Variants in VTCN1 observed in about 807,000 individuals in gnomAD.
The protein encoded by VTCN1 is V-set domain-containing T-cell activation inhibitor 1.
A neutral mutation model predicts 26.5 loss-of-function variants in VTCN1; 26 were observed. The ratio of observed to expected loss-of-function variants is 0.98; its 90% confidence interval spans 0.72 to 1.36. The LOEUF is 1.36. Among genes scored for constraint, VTCN1 ranks in the 40% most tolerant of loss-of-function variants. VTCN1 has a pLI of 0.00. For synonymous variants in VTCN1, 116 were observed against 130.7 expected, an observed-to-expected ratio of 0.89 and a Z score of 0.77; for missense variants, 298 against 337.7, an observed-to-expected ratio of 0.88 and a Z score of 0.92.
At chr1:117,158,115 T>G (rs1402564037) in intron 2 of VTCN1, among the ~76,000 whole-genome samples, 1 of 152,208 alleles carries the variant, frequency 6.6e-6, no homozygotes, top group African/African-American at 2.4e-5. Context: ...CTGTTGCTTT[T>G]CCAGAAGAAC....
intron 2 of VTCN1, among the ~76,000 whole-genome samples, chr1:117,163,431 T>C (rs1309598331): frequency 6.6e-6 from 1 of 152,204 alleles, no homozygotes; most frequent in Non-Finnish European, 1.5e-5. Context: ...AATTGCCACA[T>C]GCTAAACCTT....
In VTCN1 at chr1:117,167,181, A is replaced by T. The variant is rs1652664706; in HGVS notation, c.97+2926T>A. 6.6e-6 allele frequency among the ~76,000 whole-genome samples: 1 copy of T among 152,172 alleles called. No individual in the cohort carries two copies. The highest frequency in any genetic ancestry group is 2.1e-4 in the South Asian group (1 of 4,828). On this transcript the variant is annotated intron_variant, in intron 2 of 5. Transcript: ENST00000369458. This position sits in a 1 kb window ranked among gnomAD's most constrained non-coding sequence, Gnocchi z 4.1. ...ATGCATTTTATGTTTTTATATATACATTTACAAATGTTTTTGTATGTCTGT... is the reference window on the plus strand; with the variant it reads ...ATGCATTTTATGTTTTTATATATACTTTTACAAATGTTTTTGTATGTCTGT...
chr1:117,171,619 A>C (rs977720960), intron 1 of VTCN1, among the ~76,000 whole-genome samples: 3 of 152,230 alleles, frequency 2.0e-5, no homozygotes, highest in African/African-American at 7.2e-5. Flanking sequence ...ATAAACAAAT[A>C]AGGAAGTATT....
intron 1 of VTCN1, among the ~76,000 whole-genome samples, chr1:117,180,909 T>C (rs1371631353): frequency 1.3e-5 from 2 of 152,224 alleles, no homozygotes; most frequent in Non-Finnish European, 2.9e-5. Flanking sequence ...AAGCTGCTGC[T>C]ATTCCTCCCC....
At chr1:117,204,299 A>G (rs1181875403) in intron 1 of VTCN1, among the ~76,000 whole-genome samples, 3 of 152,172 alleles carry the variant, frequency 2.0e-5, no homozygotes, top group African/African-American at 7.2e-5. Context: ...TACTATTATT[A>G]ATGCCCAATT....
At chr1:117,205,785 G>C (rs1169523499) in intron 1 of VTCN1, among the ~76,000 whole-genome samples, 2 of 152,190 alleles carry the variant, frequency 1.3e-5, no homozygotes, top group Non-Finnish European at 2.9e-5. Flanking sequence ...TATTGAGCAA[G>C]GTAACTTGCC....
chr1:117,152,063 T>G (rs991909738), intron 4 of VTCN1, among the ~76,000 whole-genome samples: 1 of 152,200 alleles, frequency 6.6e-6, no homozygotes, highest in Admixed American at 6.5e-5. Context: ...TTATTTGATT[T>G]TTGTTGTTGT....
At chr1:117,200,315 C>G (rs1203783348) in intron 1 of VTCN1, among the ~76,000 whole-genome samples, 1 of 152,082 alleles carries the variant, frequency 6.6e-6, no homozygotes, top group Non-Finnish European at 1.5e-5. Flanking sequence ...TGGGAGGTTA[C>G]TGGAGCCTGG....
Position 117,210,880 on chromosome 1 carries a change from C to G in VTCN1, c.-25G>C. 6.2e-7 allele frequency: 1 copy of G among 1,614,008 alleles called. No individual in the cohort carries two copies. ...TGGCTGGGGAAGGTTCCCAGCGTAT[C>G]TGGGTACTGGCTGAGTGGAGCTGCC... On this transcript the variant is annotated 5_prime_UTR_variant, in exon 1 of 6. Transcript: ENST00000369458.
chr1:117,158,991 T>A (rs142460228), intron 2 of VTCN1, among the ~76,000 whole-genome samples: 186 of 152,320 alleles, frequency 1.2e-3, no homozygotes, highest in African/African-American at 4.3e-3. Context: ...CTGAGACCAC[T>A]TCAGTCTGGA....
intron 1 of VTCN1, 48 bp from the exon 2 acceptor site, chr1:117,170,219 G>A: frequency 6.4e-7 from 1 of 1,565,370 alleles, no homozygotes. Context: ...CATTCCTCTT[G>A]ATGTGCTGCT....
chr1:117,191,413 G>A (rs1052116150), intron 1 of VTCN1, among the ~76,000 whole-genome samples: 3 of 152,166 alleles, frequency 2.0e-5, no homozygotes, highest in Non-Finnish European at 4.4e-5. Flanking sequence ...CAGCACTTTC[G>A]GAGGCCAAGG....
chr1:117,176,992 G>C (rs111238577), intron 1 of VTCN1, among the ~76,000 whole-genome samples: 1 of 152,066 alleles, frequency 6.6e-6, no homozygotes, highest in Non-Finnish European at 1.5e-5. Context: ...CCAGCTACTC[G>C]GGAGGCTGAG....
chr1:117,197,012 G>A (rs900894585), intron 1 of VTCN1, among the ~76,000 whole-genome samples: 3 of 152,134 alleles, frequency 2.0e-5, no homozygotes, highest in Non-Finnish European at 4.4e-5. Flanking sequence ...AACTTTATTT[G>A]CCTTAAGGGT....
intron 3 of VTCN1, among the ~76,000 whole-genome samples, chr1:117,154,780 T>C (rs1651979679): frequency 1.1e-5 from 1 of 89,412 alleles, no homozygotes; most frequent in African/African-American, 4.6e-5. Flanking sequence ...TGAAACTCCA[T>C]CTCAAAAAAA....
intron 4 of VTCN1, among the ~76,000 whole-genome samples, chr1:117,151,427 G>A (rs903987316): frequency 6.6e-6 from 1 of 152,164 alleles, no homozygotes; most frequent in East Asian, 1.9e-4. Flanking sequence ...ATTGTGAACA[G>A]CAAAACACCA....
In VTCN1 at chr1:117,159,438, T is replaced by TG. The variant is rs1276403138; in HGVS notation, c.98-2518dup. Among the ~76,000 whole-genome samples, 4 of 152,176 alleles carry TG rather than the reference T, an allele frequency of 2.6e-5. No homozygotes were observed. The highest frequency in any genetic ancestry group is 9.6e-5 in the African/African-American group (4 of 41,452). On this transcript the variant is annotated intron_variant, in intron 2 of 5. Transcript: ENST00000369458. The surrounding 1 kb of genome is among the most constrained non-coding windows in gnomAD (Gnocchi z 4.7). Reference sequence around the variant, plus strand: ...CTTATTTACTACCATGAGAACAGTATGGGGGGAACCACCCCCATGATTCAA... The same window carrying TG: ...CTTATTTACTACCATGAGAACAGTATGGGGGGGAACCACCCCCATGATTCAA...
chr1:117,164,542 G>A (rs1465811256), intron 2 of VTCN1, among the ~76,000 whole-genome samples: 1 of 152,170 alleles, frequency 6.6e-6, no homozygotes, highest in Non-Finnish European at 1.5e-5. Flanking sequence ...TAAAAGCATT[G>A]ATGGCATCAA....
chr1:117,195,342 T>G (rs1193775937), intron 1 of VTCN1, among the ~76,000 whole-genome samples: 1 of 151,562 alleles, frequency 6.6e-6, no homozygotes, highest in East Asian at 1.9e-4. Context: ...GAGCAGGTCT[T>G]AAGTGTCTTC....
Sources: allele counts gnomAD v4.1 joint callset (sites outside exome capture counted in the v4.1 genomes callset), GRCh38; gene constraint gnomAD v4.1.1; non-coding constraint Gnocchi (gnomAD v3.1); transcripts MANE v1.5; gene names NCBI Gene and HGNC (gene_info 2026-07-23, HGNC 2026-07-21).